NLGN1: variants seen among roughly 807,000 people sequenced by gnomAD.
The protein encoded by NLGN1 is neuroligin-1.
A neutral mutation model predicts 65.5 loss-of-function variants in NLGN1; 12 were observed. The observed-to-expected ratio is 0.18, with a 90% CI of 0.12 to 0.30. NLGN1 has a LOEUF of 0.30. Ranked by LOEUF, NLGN1 falls within the 10% of genes least tolerant of loss-of-function variation. The pLI is 1.00. For synonymous variants in NLGN1, 350 were observed against 359.5 expected, an observed-to-expected ratio of 0.97 and a Z score of 0.30; for missense variants, 750 against 1,007.1, an observed-to-expected ratio of 0.74 and a Z score of 3.46.
In NLGN1 at chr3:173,740,634, C is replaced by T. The variant is rs6445117; in HGVS notation, c.494-67046C>T. On this transcript the variant is annotated intron_variant, in intron 3 of 6. Transcript: ENST00000457714. ...AAGAAAGGAGTAAAAAAAATTACAG[C>T]GAGGTTTAGAAAGTTGAGAATATGC... 2.6e-3 allele frequency among the ~76,000 whole-genome samples: 388 copies of T among 151,828 alleles called. 5 individuals carry two copies. Among genetic ancestry groups the T allele is most frequent in the African/African-American group, 8.7e-3 (360 of 41,410 alleles).
intron 2 of NLGN1, among the ~76,000 whole-genome samples, chr3:173,452,620 C>G (rs1281947558): frequency 6.6e-6 from 1 of 152,166 alleles, no homozygotes; most frequent in African/African-American, 2.4e-5. Flanking sequence ...TTTTCCTGGT[C>G]TCTAGTACTT....
chr3:174,269,414 A>G (rs1388940172), intron 4 of NLGN1, among the ~76,000 whole-genome samples: 1 of 151,994 alleles, frequency 6.6e-6, no homozygotes, highest in Non-Finnish European at 1.5e-5. Context: ...GATATTTCAT[A>G]TGAGTAGAAT....
chr3:173,568,521 C>T (rs1333775937), intron 2 of NLGN1, among the ~76,000 whole-genome samples: 1 of 152,088 alleles, frequency 6.6e-6, no homozygotes, highest in Non-Finnish European at 1.5e-5. Context: ...AGGCACAAGC[C>T]ACTGTGCCCG....
chr3:173,552,557 A>G (rs2149268588), intron 2 of NLGN1, among the ~76,000 whole-genome samples: 1 of 152,288 alleles, frequency 6.6e-6, no homozygotes, highest in African/African-American at 2.4e-5. Flanking sequence ...TTGAAGGGTG[A>G]GAATAATGGG....
chr3:173,784,616 G>C (rs934464694), intron 3 of NLGN1, among the ~76,000 whole-genome samples: 4 of 152,108 alleles, frequency 2.6e-5, no homozygotes, highest in African/African-American at 9.7e-5. Context: ...GAGAAACAGA[G>C]AGAGGAGAGA....
chr3:173,561,590 G>C (rs1742739505), intron 2 of NLGN1, among the ~76,000 whole-genome samples: 1 of 152,028 alleles, frequency 6.6e-6, no homozygotes, highest in Non-Finnish European at 1.5e-5. Flanking sequence ...AATATATGTG[G>C]TAATAATATA....
At chr3:173,402,619 A>G (rs762425763) in intron 1 of NLGN1, among the ~76,000 whole-genome samples, 5 of 152,140 alleles carry the variant, frequency 3.3e-5, no homozygotes, top group Non-Finnish European at 5.9e-5. Context: ...TTGAGTCTTT[A>G]TCTTGGAAAC....
intron 4 of NLGN1, among the ~76,000 whole-genome samples, chr3:174,070,390 A>G (rs59808346): frequency 0.29 from 43,150 of 150,914 alleles, 7,794 homozygotes; most frequent in African/African-American, 0.52. Context: ...GTAGTGCAGT[A>G]GTGCAATCTC....
chr3:173,568,714 T>C (rs1442388344), intron 2 of NLGN1, among the ~76,000 whole-genome samples: 1 of 152,216 alleles, frequency 6.6e-6, no homozygotes. Context: ...CTCGCTCTGT[T>C]GCCCAGGCTG....
intron 4 of NLGN1, among the ~76,000 whole-genome samples, chr3:174,185,958 T>G (rs1731329057): frequency 6.6e-6 from 1 of 152,102 alleles, no homozygotes; most frequent in South Asian, 2.1e-4. Context: ...TTGAAGCAGG[T>G]ACTTTTATTC....
chr3:173,892,433 T>A (rs1022512171), intron 4 of NLGN1, among the ~76,000 whole-genome samples: 2 of 152,064 alleles, frequency 1.3e-5, no homozygotes, highest in Admixed American at 1.3e-4. Flanking sequence ...ATCATTTCCT[T>A]TTAACTTTCA....
rs1326275748 is a variant in NLGN1, at chr3:173,827,654, T to TGTGTGTGTGTGTGTGTG, written c.646+19833_646+19834insTGTGTGGTGTGTGTGTG. On this transcript the variant is annotated intron_variant, in intron 4 of 6. Transcript: ENST00000457714. The stretch of plus-strand genomic sequence containing the variant: ...ATGTGTGTGTGTGTGTGTGTGTGTG[T>TGTGTGTGTGTGTGTGTG]GTGTGTGTGTGAATGAGATAAATAA... Among the ~76,000 whole-genome samples the TGTGTGTGTGTGTGTGTG allele has an allele frequency of 2.2e-3, 180 of 81,992 alleles. 1 individual carries two copies. Among genetic ancestry groups the TGTGTGTGTGTGTGTGTG allele is most frequent in the African/African-American group, 6.4e-3 (167 of 26,070 alleles). The allele number at this position is 81,992 out of a possible 152,430, so 53.8% of individuals were successfully genotyped here. A position where few individuals can be genotyped will look rare whatever the true frequency, so the allele number is the denominator to read the frequency against.
In NLGN1 at chr3:173,916,691, G is replaced by A. The variant is rs528116295; in HGVS notation, c.646+108859G>A. ...AAACAACATGAAAATTTCAGATGAG[G>A]CCACCTTTTTATAAAAGTGCTTAAA... is the stretch of plus-strand genomic sequence containing the variant. On this transcript the variant is annotated intron_variant, in intron 4 of 6. Coordinates refer to ENST00000457714, the Ensembl canonical transcript of NLGN1. Among the ~76,000 whole-genome samples the A allele has an allele frequency of 7.2e-5, 11 of 152,128 alleles. No homozygotes were observed. In the East Asian group the frequency reaches 2.1e-3, roughly 29 times the overall value.
chr3:173,852,564 A>G (rs929036969), intron 4 of NLGN1, among the ~76,000 whole-genome samples: 10 of 152,216 alleles, frequency 6.6e-5, no homozygotes, highest in African/African-American at 1.4e-4. Context: ...CTATTTGGTC[A>G]TGGCATACTA....
intron 4 of NLGN1, among the ~76,000 whole-genome samples, chr3:173,834,157 T>A (rs1036179561): frequency 2.6e-5 from 4 of 152,214 alleles, no homozygotes; most frequent in Admixed American, 6.5e-5. Flanking sequence ...TGTTAACTTT[T>A]CATATTACAC....
At chr3:173,945,461 C>A (rs1169042218) in intron 4 of NLGN1, among the ~76,000 whole-genome samples, 1 of 152,032 alleles carries the variant, frequency 6.6e-6, no homozygotes. Flanking sequence ...CTGTAGTATT[C>A]AGCTGCCAAC....
chr3:173,704,466 A>C (rs1035038292), intron 3 of NLGN1, among the ~76,000 whole-genome samples: 1 of 152,180 alleles, frequency 6.6e-6, no homozygotes, highest in East Asian at 1.9e-4. Flanking sequence ...AAAAGTGCTC[A>C]TAACAGTTAT....
chr3:174,090,214 T>TA (rs1484475690), intron 4 of NLGN1, among the ~76,000 whole-genome samples: 1 of 152,150 alleles, frequency 6.6e-6, no homozygotes, highest in African/African-American at 2.4e-5. Context: ...CTCACACCTG[T>TA]AATCCTTGCA....
intron 4 of NLGN1, among the ~76,000 whole-genome samples, chr3:174,270,125 C>CTTT (rs10547985): frequency 2.1e-3 from 247 of 120,054 alleles, no homozygotes; most frequent in African/African-American, 7.1e-3. Context: ...GGTTTCCTTT[C>CTTT]TTTTTTTTTT....
Sources: allele counts gnomAD v4.1 joint callset (sites outside exome capture counted in the v4.1 genomes callset), GRCh38; gene constraint gnomAD v4.1.1; transcripts MANE v1.5; gene names NCBI Gene and HGNC (gene_info 2026-07-23, HGNC 2026-07-21).